TMTC2: variants seen among roughly 807,000 people sequenced by gnomAD.
The protein encoded by TMTC2 is transmembrane O-mannosyltransferase targeting cadherins 2.
TMTC2 carries 43 observed loss-of-function variants against 82.4 expected under a neutral mutation model. The observed-to-expected ratio is 0.52, with a 90% CI of 0.41 to 0.67. The LOEUF (loss-of-function observed/expected upper bound fraction) is 0.67, where lower values mean the gene tolerates loss of function less well. Ranked by LOEUF, TMTC2 falls within the 30% of genes least tolerant of loss-of-function variation. TMTC2 has a pLI of 0.00. For synonymous variants in TMTC2, 408 were observed against 381.9 expected, an observed-to-expected ratio of 1.07 and a Z score of -0.80; for missense variants, 919 against 1,012.4, an observed-to-expected ratio of 0.91 and a Z score of 1.25.
intron 1 of TMTC2, among the ~76,000 whole-genome samples, chr12:82,834,731 CA>C (rs1869935295): frequency 6.6e-6 from 1 of 152,172 alleles, no homozygotes; most frequent in South Asian, 2.1e-4. Context: ...TCTTTCCCAA[CA>C]GTTCCCTAAT....
chr12:83,024,681 A>T (rs1278771158), intron 8 of TMTC2, among the ~76,000 whole-genome samples: 2 of 152,196 alleles, frequency 1.3e-5, no homozygotes, highest in East Asian at 3.9e-4. Flanking sequence ...ATTCCTACTG[A>T]TGCTGAAGGT....
At chr12:83,035,988 G>C (rs560253975) in intron 9 of TMTC2, among the ~76,000 whole-genome samples, 1 of 152,156 alleles carries the variant, frequency 6.6e-6, no homozygotes, top group African/African-American at 2.4e-5. Flanking sequence ...AAAGTTAGAA[G>C]GGAGGAGATT....
At chr12:82,688,453 A>G (rs1872434399) in intron 1 of TMTC2, among the ~76,000 whole-genome samples, 1 of 152,162 alleles carries the variant, frequency 6.6e-6, no homozygotes, top group Non-Finnish European at 1.5e-5. Context: ...AAGAAACTGC[A>G]TCGATTTCTG....
chr12:82,748,537 T>C (rs1875808163), intron 1 of TMTC2, among the ~76,000 whole-genome samples: 1 of 152,006 alleles, frequency 6.6e-6, no homozygotes, highest in African/African-American at 2.4e-5. Context: ...TTTATACCTG[T>C]CACATAAGAG....
chr12:83,074,417 T>C (rs555792635), intron 11 of TMTC2, among the ~76,000 whole-genome samples: 1 of 152,278 alleles, frequency 6.6e-6, no homozygotes, highest in African/African-American at 2.4e-5. Context: ...GGTGGTTTAA[T>C]GCACTCTTTT....
In TMTC2 at chr12:82,687,552, G is replaced by A. The variant is rs369109443; in HGVS notation, c.-35G>A. 2 of 1,578,274 alleles carry A rather than the reference G, an allele frequency of 1.3e-6. No individual in the cohort carries two copies. Among genetic ancestry groups the A allele is most frequent in the Admixed American group, 1.9e-5 (1 of 52,148 alleles). On this transcript the variant is annotated 5_prime_UTR_variant, in exon 1 of 12. Transcript: ENST00000321196. ...TTTTTGTTGCCGCTGCTGCCCTCGC[G>A]CTGGGAGCCGAGCCGGAGGGAAGGC... is the stretch of plus-strand genomic sequence containing the variant.
intron 11 of TMTC2, among the ~76,000 whole-genome samples, chr12:83,105,647 G>A (rs181779964): frequency 2.6e-5 from 4 of 152,216 alleles, no homozygotes; most frequent in Admixed American, 1.3e-4. Flanking sequence ...TCCATCCCAC[G>A]ACCCAAACAC....
intron 9 of TMTC2, among the ~76,000 whole-genome samples, chr12:83,044,432 G>A (rs1013346739): frequency 1.1e-4 from 17 of 152,278 alleles, no homozygotes; most frequent in Non-Finnish European, 1.6e-4. Context: ...GCTGATCATA[G>A]CAAGCTGTGT....
chr12:82,719,835 T>C (rs1239716554), intron 1 of TMTC2, among the ~76,000 whole-genome samples: 1 of 152,216 alleles, frequency 6.6e-6, no homozygotes, highest in African/African-American at 2.4e-5. Flanking sequence ...ATAATGGAAA[T>C]GTTTTCTGTA....
chr12:82,692,736 C>T (rs1375703704), intron 1 of TMTC2, among the ~76,000 whole-genome samples: 1 of 152,146 alleles, frequency 6.6e-6, no homozygotes, highest in Non-Finnish European at 1.5e-5. Context: ...AGTGTGGCAG[C>T]CTCCAAGGAA....
At chr12:82,716,851 C>T (rs1873927724) in intron 1 of TMTC2, among the ~76,000 whole-genome samples, 1 of 152,152 alleles carries the variant, frequency 6.6e-6, no homozygotes, top group Admixed American at 6.5e-5. Context: ...TAGTGAAATG[C>T]TTATAAGCCT....
intron 1 of TMTC2, among the ~76,000 whole-genome samples, chr12:82,845,286 C>T (rs1282990338): frequency 3.1e-5 from 4 of 127,972 alleles, no homozygotes; most frequent in Admixed American, 2.4e-4. Context: ...GAACTAGTCA[C>T]ACATTGCAAC....
chr12:83,032,565 A>G (rs1397167918), intron 9 of TMTC2, among the ~76,000 whole-genome samples: 1 of 151,700 alleles, frequency 6.6e-6, no homozygotes, highest in Non-Finnish European at 1.5e-5. Context: ...ATTTTTTTAG[A>G]TGGAATTTCA....
chr12:82,708,921 G>A (rs7132429), intron 1 of TMTC2, among the ~76,000 whole-genome samples: 140 of 152,266 alleles, frequency 9.2e-4, no homozygotes, highest in African/African-American at 3.3e-3. Context: ...CATGTGGTCA[G>A]CCTACTGGTC....
chr12:82,874,911 ATT>A (rs1359573458), intron 2 of TMTC2, among the ~76,000 whole-genome samples: 1 of 152,130 alleles, frequency 6.6e-6, no homozygotes, highest in African/African-American at 2.4e-5. Flanking sequence ...TTTGAAATTA[ATT>A]TTTTTAATTA....
chr12:82,733,315 G>GT (rs1488451195), intron 1 of TMTC2, among the ~76,000 whole-genome samples: 1 of 152,174 alleles, frequency 6.6e-6, no homozygotes, highest in Non-Finnish European at 1.5e-5. Flanking sequence ...AGCAACATGC[G>GT]TTGAGTACCT....
At chr12:82,728,084 G>T (rs1423150183) in intron 1 of TMTC2, among the ~76,000 whole-genome samples, 1 of 152,074 alleles carries the variant, frequency 6.6e-6, no homozygotes, top group African/African-American at 2.4e-5. Flanking sequence ...GCAGTTTCAA[G>T]CATTTGCAAT....
At chr12:82,966,874 G>A in intron 6 of TMTC2, 45 bp from the exon 7 acceptor site, 1 of 1,373,458 alleles carries the variant, frequency 7.3e-7, no homozygotes, top group Non-Finnish European at 1.0e-6. Flanking sequence ...GACGATCCCT[G>A]CACTTTATTG....
chr12:82,878,122 A>G (rs1238592367), intron 2 of TMTC2, among the ~76,000 whole-genome samples: 1 of 152,178 alleles, frequency 6.6e-6, no homozygotes, highest in Non-Finnish European at 1.5e-5. Context: ...TCAATCATTC[A>G]TGTACCCATT....
Sources: gnomAD v4.1 joint callset for allele counts (sites outside exome capture counted in the v4.1 genomes callset) on GRCh38, gnomAD v4.1.1 for gene constraint, MANE v1.5 for transcripts, NCBI Gene and HGNC (gene_info 2026-07-23, HGNC 2026-07-21) for gene names.